Variants in CAPSL observed in about 807,000 individuals in gnomAD.
CAPSL encodes calcyphosin-like protein.
Under a neutral mutation model 21.3 loss-of-function variants are expected in CAPSL, and 17 were observed. The observed-to-expected ratio is 0.80, with a 90% CI of 0.55 to 1.20. CAPSL has a LOEUF of 1.20. CAPSL is among the 50% of genes most tolerant of loss of function. CAPSL has a pLI of 0.00. For missense variants in CAPSL, 289 were observed against 259.3 expected, an observed-to-expected ratio of 1.11 and a Z score of -0.79; for synonymous variants, 102 against 89.3, an observed-to-expected ratio of 1.14 and a Z score of -0.80.
chr5:35,910,956 A>G (rs1449510946), intron 2 of CAPSL, among the ~76,000 whole-genome samples: 2 of 152,246 alleles, frequency 1.3e-5, no homozygotes, highest in Non-Finnish European at 2.9e-5. Flanking sequence ...CAATTTTAAA[A>G]AAATGATTTA....
At chr5:35,913,685 C>T (rs1273944410) in intron 2 of CAPSL, among the ~76,000 whole-genome samples, 1 of 152,150 alleles carries the variant, frequency 6.6e-6, no homozygotes, top group African/African-American at 2.4e-5. Context: ...ACCAGGCCTG[C>T]CCTAAAAGAG....
intron 1 of CAPSL, among the ~76,000 whole-genome samples, chr5:35,936,264 G>T (rs1738944233): frequency 6.6e-6 from 1 of 151,798 alleles, no homozygotes; most frequent in Non-Finnish European, 1.5e-5. Context: ...CCCATCTAAG[G>T]ATGCCCTCTC....
chr5:35,920,834 A>T, intron 2 of CAPSL, 150 bp downstream of exon 2: 1 of 792,076 alleles, frequency 1.3e-6, no homozygotes, highest in Non-Finnish European at 1.9e-6. Context: ...GACCTCATAG[A>T]TCAACTCTTC....
chr5:35,914,958 T>A (rs962005299), intron 2 of CAPSL, among the ~76,000 whole-genome samples: 1 of 151,774 alleles, frequency 6.6e-6, no homozygotes, highest in African/African-American at 2.4e-5. Context: ...TTGATAGAAC[T>A]CTAGCAAGAC....
intron 2 of CAPSL, among the ~76,000 whole-genome samples, chr5:35,916,677 A>G (rs976575376): frequency 2.0e-5 from 3 of 152,224 alleles, no homozygotes; most frequent in African/African-American, 7.2e-5. Context: ...GAAAGCTGAA[A>G]CTGGATCCCT....
intron 1 of CAPSL, among the ~76,000 whole-genome samples, chr5:35,929,279 C>CTTTTTTTTTTTTTTTTTTTTTTTTT (rs10574026): frequency 8.5e-6 from 1 of 117,676 alleles, no homozygotes; most frequent in Non-Finnish European, 1.7e-5. Flanking sequence ...AAAACAGTTC[C>CTTTTTTTTTTTTTTTTTTTTTTTTT]TTTTTTTTTT....
chr5:35,933,267 T>G (rs1045497800), intron 1 of CAPSL, among the ~76,000 whole-genome samples: 5 of 152,158 alleles, frequency 3.3e-5, no homozygotes, highest in African/African-American at 1.2e-4. Flanking sequence ...TCAAAGTCAG[T>G]TTGTTTAGAG....
chr5:35,919,170 A>AAAATAT (rs754098152), intron 2 of CAPSL, among the ~76,000 whole-genome samples: 1,277 of 121,222 alleles, frequency 0.011, 17 homozygotes, highest in Non-Finnish European at 0.015. Context: ...TAAAAAAAAA[A>AAAATAT]ATATATATAT....
chr5:35,927,578 A>G (rs1359235524), intron 1 of CAPSL, among the ~76,000 whole-genome samples: 2 of 152,014 alleles, frequency 1.3e-5, no homozygotes. Context: ...AACATTCCCT[A>G]TTTCTTCTAG....
chr5:35,932,617 T>C (rs1012406508), intron 1 of CAPSL, among the ~76,000 whole-genome samples: 4 of 152,358 alleles, frequency 2.6e-5, no homozygotes, highest in East Asian at 3.9e-4. Flanking sequence ...ACAGTGGCTA[T>C]TGAGTAGGCA....
chr5:35,922,260 T>C (rs1385776793), intron 1 of CAPSL, among the ~76,000 whole-genome samples: 1 of 152,150 alleles, frequency 6.6e-6, no homozygotes, highest in East Asian at 1.9e-4. Context: ...CTGAAAGGTC[T>C]CCCATAGAGG....
Position 35,910,020 on chromosome 5 carries a change from T to C in CAPSL, c.371A>G (p.Asp124Gly), listed in dbSNP as rs367582490. The stretch of plus-strand genomic sequence containing the variant: ...TGTTATAACACCATCTCCAGTCTTG[T>C]CTAACTTTCTAAAAGCTTGCATGAT... ...EVIMQAFRKLDKTGDGVITIE... is the reference protein window; with the variant it reads ...EVIMQAFRKLGKTGDGVITIE... The change falls in exon 4 of 5, where the codon GAC (aspartate) becomes GGC (glycine). Residue 124 changes from aspartate to glycine, a missense_variant. By Grantham distance (94) the Asp-to-Gly change is moderately conservative. Coordinates refer to ENST00000651391, the MANE Select transcript of CAPSL (RefSeq NM_001042625.2). The C allele has an allele frequency of 9.6e-5, 155 of 1,613,256 alleles. No homozygotes were observed. Among genetic ancestry groups the C allele is most frequent in the Middle Eastern group, 1.6e-4 (1 of 6,078 alleles).
chr5:35,908,474 C>T (rs919797577), intron 4 of CAPSL, among the ~76,000 whole-genome samples: 1 of 152,150 alleles, frequency 6.6e-6, no homozygotes, highest in African/African-American at 2.4e-5. Flanking sequence ...CGAATCACAA[C>T]TGGCTATTTT....
chr5:35,932,039 T>C (rs1431501367), intron 1 of CAPSL, among the ~76,000 whole-genome samples: 4 of 152,230 alleles, frequency 2.6e-5, no homozygotes, highest in African/African-American at 4.8e-5. Flanking sequence ...TGAATGCTTC[T>C]TTTGGAGTCA....
At chr5:35,928,148 A>C (rs935286610) in intron 1 of CAPSL, among the ~76,000 whole-genome samples, 3 of 152,216 alleles carry the variant, frequency 2.0e-5, no homozygotes, top group Non-Finnish European at 2.9e-5. Flanking sequence ...ACATGGCAGA[A>C]GAGATGGAAG....
At chr5:35,927,231 C>A (rs1468677648) in intron 1 of CAPSL, among the ~76,000 whole-genome samples, 2 of 152,172 alleles carry the variant, frequency 1.3e-5, no homozygotes, top group Non-Finnish European at 2.9e-5. Flanking sequence ...CTTGTGACAA[C>A]AGCAGCCGTC....
chr5:35,935,386 G>A (rs2361404), intron 1 of CAPSL, among the ~76,000 whole-genome samples: 28,078 of 149,654 alleles, frequency 0.19, 3,414 homozygotes, highest in African/African-American at 0.35. Flanking sequence ...AGGCTGGAGC[G>A]CAGTGGTGTC....
chr5:35,921,523 A>T (rs1271907329), intron 1 of CAPSL, among the ~76,000 whole-genome samples: 1 of 152,162 alleles, frequency 6.6e-6, no homozygotes, highest in East Asian at 1.9e-4. Context: ...TTTGGTCTAA[A>T]CATTGATTTT....
At chr5:35,919,453 C>T (rs576773505) in intron 2 of CAPSL, among the ~76,000 whole-genome samples, 9 of 152,200 alleles carry the variant, frequency 5.9e-5, no homozygotes, top group African/African-American at 1.7e-4. Flanking sequence ...TTATAAATAA[C>T]AAAGTCATCT....
Sources: gnomAD v4.1 joint callset for allele counts (sites outside exome capture counted in the v4.1 genomes callset) on GRCh38, gnomAD v4.1.1 for gene constraint, MANE v1.5 for transcripts, NCBI Gene and HGNC (gene_info 2026-07-23, HGNC 2026-07-21) for gene names.